The following CHN2 variants were observed in gnomAD, a reference collection of about 807,000 sequenced individuals.
CHN2 encodes the protein beta-chimaerin.
CHN2 carries 35 observed loss-of-function variants against 56.3 expected under a neutral mutation model. The ratio of observed to expected loss-of-function variants is 0.62; its 90% confidence interval spans 0.47 to 0.82. The LOEUF is 0.82. CHN2 is among the 40% of genes least tolerant of loss of function. The pLI is 0.00. For missense variants in CHN2, 491 were observed against 580.5 expected (o/e 0.85, Z 1.58); for synonymous variants, 210 against 212.8 (o/e 0.99, Z 0.12).
At chr7:29,263,015 C>T (rs997984175) in intron 1 of CHN2, among the ~76,000 whole-genome samples, 21 of 152,304 alleles carry the variant, frequency 1.4e-4, no homozygotes, top group Admixed American at 2.6e-4. Context: ...CTCCCCTCTC[C>T]CCTCTCCCCC....
chr7:29,469,297 C>G (rs938402323), intron 6 of CHN2, among the ~76,000 whole-genome samples: 2 of 152,224 alleles, frequency 1.3e-5, no homozygotes, highest in Non-Finnish European at 2.9e-5. Flanking sequence ...TAGCCTTTAG[C>G]TGATGTTCCT....
At chr7:29,436,957 TAATA>T (rs1783271784) in intron 6 of CHN2, among the ~76,000 whole-genome samples, 1 of 151,276 alleles carries the variant, frequency 6.6e-6, no homozygotes, top group Non-Finnish European at 1.5e-5. Flanking sequence ...ATAATAATAA[TAATA>T]ATAAAATTTA....
chr7:29,268,971 A>C (rs1790388545), intron 1 of CHN2, among the ~76,000 whole-genome samples: 1 of 152,222 alleles, frequency 6.6e-6, no homozygotes, highest in Non-Finnish European at 1.5e-5. Flanking sequence ...GGAACATGTG[A>C]TATTTTGATA....
At chr7:29,253,450 TGA>T (rs139597591) in intron 1 of CHN2, among the ~76,000 whole-genome samples, 3,213 of 152,246 alleles carry the variant, frequency 0.021, 110 homozygotes, top group African/African-American at 0.073. Flanking sequence ...CTAATAAATG[TGA>T]GAGTCTGGGA....
intron 7 of CHN2, among the ~76,000 whole-genome samples, chr7:29,494,846 C>G (rs62457800): frequency 0.081 from 11,955 of 147,378 alleles, 590 homozygotes; most frequent in Admixed American, 0.14. Context: ...GAATAAAGAA[C>G]TCAAACTGAG....
At chr7:29,314,730 A>G (rs1368848754) in intron 1 of CHN2, among the ~76,000 whole-genome samples, 2 of 152,198 alleles carry the variant, frequency 1.3e-5, no homozygotes, top group Non-Finnish European at 2.9e-5. Flanking sequence ...GAGGATAGGT[A>G]GGGATCCAAA....
chr7:29,502,769 A>G (rs1583426413), intron 9 of CHN2, among the ~76,000 whole-genome samples: 1 of 152,012 alleles, frequency 6.6e-6, no homozygotes, highest in East Asian at 1.9e-4. Flanking sequence ...GACGGGATAC[A>G]TGTGCAGAAT....
chr7:29,471,240 A>G (rs1325273723), intron 6 of CHN2, among the ~76,000 whole-genome samples: 1 of 152,258 alleles, frequency 6.6e-6, no homozygotes, highest in Non-Finnish European at 1.5e-5. Flanking sequence ...CAAAAACTGC[A>G]TACAAAACAA....
intron 6 of CHN2, among the ~76,000 whole-genome samples, chr7:29,405,875 C>T (rs1459361181): frequency 6.6e-6 from 1 of 152,162 alleles, no homozygotes; most frequent in Non-Finnish European, 1.5e-5. Context: ...GATCTGCTGG[C>T]CTGTCCCGGT....
At chr7:29,203,958 C>A (rs1394611931) in intron 1 of CHN2, among the ~76,000 whole-genome samples, 1 of 152,064 alleles carries the variant, frequency 6.6e-6, no homozygotes, top group East Asian at 1.9e-4. Flanking sequence ...TTCTAGACTT[C>A]ATGTATTTTT....
intron 1 of CHN2, among the ~76,000 whole-genome samples, chr7:29,335,501 T>C (rs1478032744): frequency 6.6e-6 from 1 of 152,262 alleles, no homozygotes; most frequent in East Asian, 1.9e-4. Context: ...CCTTTCAGTA[T>C]GTTATTTAGG....
chr7:29,500,862 A>G (rs904782683), intron 9 of CHN2, among the ~76,000 whole-genome samples: 1 of 152,344 alleles, frequency 6.6e-6, no homozygotes, highest in Admixed American at 6.5e-5. Flanking sequence ...GAAGATAGAA[A>G]CATTCCAAAA....
At chr7:29,453,281 T>C (rs1434820714) in intron 6 of CHN2, among the ~76,000 whole-genome samples, 2 of 152,186 alleles carry the variant, frequency 1.3e-5, no homozygotes, top group African/African-American at 4.8e-5. Flanking sequence ...GGGAGGAACA[T>C]ACCCTCCCCA....
chr7:29,413,733 T>G (rs1464061409), intron 6 of CHN2, among the ~76,000 whole-genome samples: 1 of 152,210 alleles, frequency 6.6e-6, no homozygotes, highest in East Asian at 1.9e-4. Context: ...AGAAGGTGGC[T>G]CGTCTGACTT....
intron 6 of CHN2, among the ~76,000 whole-genome samples, chr7:29,462,402 G>T (rs745735976): frequency 5.3e-5 from 8 of 152,196 alleles, no homozygotes; most frequent in Non-Finnish European, 1.0e-4. Context: ...ACAGAGTACA[G>T]CAGGGATGGC....
At chr7:29,480,450 A>G in intron 7 of CHN2, 94 bp downstream of exon 7, 2 of 1,277,872 alleles carry the variant, frequency 1.6e-6, no homozygotes, top group Non-Finnish European at 2.2e-6. Flanking sequence ...TGTAAAGTCA[A>G]GAGACAATGA....
intron 1 of CHN2, among the ~76,000 whole-genome samples, chr7:29,220,885 G>A (rs1785743371): frequency 2.0e-5 from 3 of 152,162 alleles, no homozygotes. Flanking sequence ...TAAAATATTT[G>A]ATTAGCAAAT....
At position 29,238,310 on chromosome 7, in the gene CHN2, A is replaced by C. The variant is rs1787364400; in HGVS notation, c.49+43320A>C. ...TGGGATTACAGGCGTGAGCCACCGC[A>C]CCCGCCCATATATATTCTTTATGAA... On this transcript the variant is annotated intron_variant, in intron 1 of 12. Transcript: ENST00000222792. 2.0e-5 allele frequency among the ~76,000 whole-genome samples: 3 copies of C among 151,574 alleles called. No homozygotes were observed. In the South Asian group the frequency reaches 6.2e-4, roughly 32 times the overall value.
At chr7:29,424,232 A>G (rs1804624181) in intron 6 of CHN2, among the ~76,000 whole-genome samples, 1 of 149,726 alleles carries the variant, frequency 6.7e-6, no homozygotes, top group South Asian at 2.1e-4. Context: ...GTTCCATGCA[A>G]CCTCCCACAT....
Sources: allele counts gnomAD v4.1 joint callset (sites outside exome capture counted in the v4.1 genomes callset), GRCh38; gene constraint gnomAD v4.1.1; transcripts MANE v1.5; gene names NCBI Gene and HGNC (gene_info 2026-07-23, HGNC 2026-07-21).